TENM1: variants seen among roughly 807,000 people sequenced by gnomAD.
TENM1 encodes the protein teneurin transmembrane protein 1, also known as teneurin-1.
Under a neutral mutation model 174.8 loss-of-function variants are expected in TENM1, and 35 were observed. That is an observed-to-expected ratio of 0.20 (90% confidence interval 0.15 to 0.27). The LOEUF is 0.27. Among genes scored for constraint, TENM1 ranks in the 10% least tolerant of loss-of-function variants. The pLI, the probability that TENM1 is intolerant of heterozygous loss-of-function variation, is 1.00. For missense variants in TENM1, 1,633 were observed against 2,130.1 expected (o/e 0.77, Z 4.59); for synonymous variants, 781 against 798.7 (o/e 0.98, Z 0.37).
At chrX:124,581,963 G>A (rs1463236139) in intron 11 of TENM1, among the ~76,000 whole-genome samples, 1 of 111,532 alleles carries the variant, frequency 9.0e-6, no homozygotes, top group East Asian at 2.8e-4. Context: ...TGCCATGGTG[G>A]TTTACTGCAC....
In TENM1 at chrX:124,813,054, C is replaced by T. The variant is rs2055818777; in HGVS notation, c.536-75857G>A. On this transcript the variant is annotated intron_variant, in intron 3 of 31. Coordinates refer to ENST00000422452, the Ensembl canonical transcript of TENM1. ...TGGGAAAAGTCTTTGTAAATCAAAT[C>T]CCAAATAAATGACTACTACTTTACT... Among the ~76,000 whole-genome samples the T allele has an allele frequency of 2.7e-5, 3 of 110,521 alleles. No individual in the cohort carries two copies. In the Admixed American group the frequency reaches 2.9e-4, roughly 11 times the overall value.
At chrX:124,505,465 T>G (rs1340432585) in intron 18 of TENM1, among the ~76,000 whole-genome samples, 1 of 111,252 alleles carries the variant, frequency 9.0e-6, no homozygotes, top group Non-Finnish European at 1.9e-5. Context: ...CTGTCTACAG[T>G]CTCCCTGGTA....
At chrX:124,707,660 G>C (rs1422347104) in intron 4 of TENM1, among the ~76,000 whole-genome samples, 1 of 111,889 alleles carries the variant, frequency 8.9e-6, no homozygotes, top group Non-Finnish European at 1.9e-5. Flanking sequence ...TGGCACCACA[G>C]TTCCGATAAA....
intron 14 of TENM1, among the ~76,000 whole-genome samples, chrX:124,560,757 T>C (rs1417192170): frequency 1.8e-5 from 2 of 112,249 alleles, no homozygotes; most frequent in Non-Finnish European, 3.8e-5. Flanking sequence ...TAAGCAGATA[T>C]AGAAATGTGA....
In TENM1 at chrX:124,770,581, G is replaced by GT. The variant is rs1213239932; in HGVS notation, c.536-33385dup. Among the ~76,000 whole-genome samples, 4 of 109,801 alleles carry GT rather than the reference G, an allele frequency of 3.6e-5. No individual in the cohort carries two copies. In the East Asian group the frequency reaches 8.7e-4, roughly 24 times the overall value. On this transcript the variant is annotated intron_variant, in intron 3 of 31. Transcript: ENST00000422452. ...CCATCACACCCAGCTAAATTTCTTA[G>GT]TTTTTTTTGTAGAGACAGGGTTTGG...
In TENM1 at chrX:124,647,556, GACTT is replaced by G. The variant is rs756790103; in HGVS notation, c.1580-750_1580-747del. On this transcript the variant is annotated intron_variant, in intron 8 of 31. Transcript: ENST00000422452. Reference sequence around the variant, plus strand: ...GTACCGTGCAACAGAACTTTTATAAGACTTACAGTAACTTCTCTGAAAATCTATA... The same window carrying G: ...GTACCGTGCAACAGAACTTTTATAAGACAGTAACTTCTCTGAAAATCTATA... 7.1e-4 allele frequency among the ~76,000 whole-genome samples: 79 copies of G among 111,401 alleles called. 1 individual carries two copies. The highest frequency in any genetic ancestry group is 2.5e-3 in the African/African-American group (76 of 30,733).
chrX:124,818,266 C>T (rs1450490428), intron 3 of TENM1, among the ~76,000 whole-genome samples: 11 of 111,276 alleles, frequency 9.9e-5, no homozygotes, highest in Non-Finnish European at 1.9e-4. Flanking sequence ...AACTGTTTTC[C>T]GTAACTGTTG....
intron 3 of TENM1, among the ~76,000 whole-genome samples, chrX:124,820,850 C>T (rs1267607074): frequency 8.9e-6 from 1 of 112,189 alleles, no homozygotes; most frequent in Non-Finnish European, 1.9e-5. Flanking sequence ...TTCTTGCCTT[C>T]TGATGTAACC....
chrX:125,078,911 T>A, the TENM1 span, among the ~76,000 whole-genome samples: 10 of 111,585 alleles, frequency 9.0e-5, no homozygotes, highest in Non-Finnish European at 1.7e-4. Context: ...TTTATGCATA[T>A]TAACTCATTT....
intron 1 of TENM1, among the ~76,000 whole-genome samples, chrX:124,943,902 A>G (rs7054452): frequency 8.9e-6 from 1 of 111,790 alleles, no homozygotes; most frequent in African/African-American, 3.3e-5. Flanking sequence ...TCTACAATTA[A>G]TCAGTAAAAA....
At chrX:125,181,432 T>C in the TENM1 span, among the ~76,000 whole-genome samples, 1 of 111,275 alleles carries the variant, frequency 9.0e-6, no homozygotes, top group African/African-American at 3.3e-5. Context: ...CAAACAAACG[T>C]ATCTGAGGAC....
At chrX:124,404,453 T>C (rs1445372233) in intron 27 of TENM1, among the ~76,000 whole-genome samples, 1 of 111,679 alleles carries the variant, frequency 9.0e-6, no homozygotes, top group Non-Finnish European at 1.9e-5. Flanking sequence ...CTCCCTAATC[T>C]ATAACTTCCT....
chrX:124,450,940 T>C (rs771367472), intron 23 of TENM1, among the ~76,000 whole-genome samples: 9 of 112,433 alleles, frequency 8.0e-5, no homozygotes, highest in Non-Finnish European at 9.4e-5. Flanking sequence ...AGACAAGTAT[T>C]TTATTACTTG....
intron 29 of TENM1, among the ~76,000 whole-genome samples, chrX:124,385,075 G>T (rs964873472): frequency 2.7e-5 from 3 of 112,307 alleles, no homozygotes; most frequent in African/African-American, 9.7e-5. Flanking sequence ...TATAGTTATA[G>T]AAAATTTTAA....
rs775858260 is a variant in TENM1, at chrX:124,486,586, A to T, written c.3716+623T>A. Among the ~76,000 whole-genome samples, 7 of 112,024 alleles carry T rather than the reference A, an allele frequency of 6.2e-5. No homozygotes were observed. In the South Asian group the frequency reaches 2.6e-3, roughly 42 times the overall value. ...ATTTTCTCCTTTGCAATTTCAGGCA[A>T]TTTAGAACAGTTTTGACAAGTGTAA... On this transcript the variant is annotated intron_variant, in intron 21 of 31. Transcript: ENST00000422452.
intron 22 of TENM1, among the ~76,000 whole-genome samples, chrX:124,466,420 C>A: frequency 8.9e-6 from 1 of 112,112 alleles, no homozygotes; most frequent in Non-Finnish European, 1.9e-5. Flanking sequence ...TTCCTTAATT[C>A]AACAGCTCAA....
the TENM1 span, among the ~76,000 whole-genome samples, chrX:124,977,743 T>C: frequency 2.7e-5 from 3 of 111,062 alleles, no homozygotes; most frequent in African/African-American, 9.8e-5. Flanking sequence ...CTCTTCCACT[T>C]GGCTTCTTTC....
chrX:124,832,896 C>A (rs1476187184), intron 3 of TENM1, among the ~76,000 whole-genome samples: 1 of 112,207 alleles, frequency 8.9e-6, no homozygotes, highest in Non-Finnish European at 1.9e-5. Context: ...GAAACAATGT[C>A]TAGCAAATAG....
chrX:124,785,916 T>C (rs1190478045), intron 3 of TENM1, among the ~76,000 whole-genome samples: 1 of 111,996 alleles, frequency 8.9e-6, no homozygotes, highest in African/African-American at 3.2e-5. Flanking sequence ...CATGAATATT[T>C]GGAGCATCTT....
Sources: allele counts gnomAD v4.1 joint callset (sites outside exome capture counted in the v4.1 genomes callset), GRCh38; gene constraint gnomAD v4.1.1; transcripts MANE v1.5; gene names NCBI Gene and HGNC (gene_info 2026-07-23, HGNC 2026-07-21).